Variants in SCHIP1 observed in about 807,000 individuals in gnomAD.
SCHIP1 encodes the protein schwannomin interacting protein 1, also known as schwannomin-interacting protein 1.
In SCHIP1, 8 loss-of-function variants were observed where a neutral mutation model predicts 29.7. That is an observed-to-expected ratio of 0.27 (90% CI 0.16 to 0.49). SCHIP1 has a LOEUF of 0.49. Among genes scored for constraint, SCHIP1 ranks in the 20% least tolerant of loss-of-function variants. The pLI is 0.99. For synonymous variants in SCHIP1, 76 were observed against 94.9 expected (o/e 0.80, Z 1.16); for missense variants, 193 against 294.6 (o/e 0.66, Z 2.52).
At chr3:159,701,194 T>C in the SCHIP1 span, among the ~76,000 whole-genome samples, 3 of 152,180 alleles carry the variant, frequency 2.0e-5, no homozygotes, top group African/African-American at 4.8e-5. Flanking sequence ...ACCCTTTCTG[T>C]TTTAAATTGC....
the SCHIP1 span, among the ~76,000 whole-genome samples, chr3:159,384,328 A>G: frequency 1.1e-4 from 16 of 151,948 alleles, no homozygotes; most frequent in Non-Finnish European, 1.8e-4. Context: ...AGCGTTGTTG[A>G]ATTTTGTCAA....
At chr3:159,304,996 CTCT>C in the SCHIP1 span, among the ~76,000 whole-genome samples, 1 of 152,148 alleles carries the variant, frequency 6.6e-6, no homozygotes, top group Non-Finnish European at 1.5e-5. Context: ...TCATAGAGAT[CTCT>C]TCTTCCCATT....
At chr3:159,517,837 A>C in the SCHIP1 span, among the ~76,000 whole-genome samples, 1 of 152,146 alleles carries the variant, frequency 6.6e-6, no homozygotes, top group Non-Finnish European at 1.5e-5. Context: ...TAAAAGACAG[A>C]AAAAACAGCT....
the SCHIP1 span, among the ~76,000 whole-genome samples, chr3:159,384,802 G>C: frequency 6.6e-6 from 1 of 152,026 alleles, no homozygotes; most frequent in African/African-American, 2.4e-5. Context: ...TTATTGGTCT[G>C]TTCAGAGATT....
chr3:159,500,244 C>T, the SCHIP1 span, among the ~76,000 whole-genome samples: 1 of 152,138 alleles, frequency 6.6e-6, no homozygotes, highest in East Asian at 1.9e-4. Flanking sequence ...GGAGAAAACA[C>T]TGTTTTCCCC....
the SCHIP1 span, among the ~76,000 whole-genome samples, chr3:159,758,029 C>G: frequency 6.6e-6 from 1 of 152,200 alleles, no homozygotes; most frequent in Non-Finnish European, 1.5e-5. Context: ...ATGCCTATGA[C>G]TTATAATGCT....
chr3:159,344,596 C>T, the SCHIP1 span, among the ~76,000 whole-genome samples: 8 of 152,148 alleles, frequency 5.3e-5, no homozygotes, highest in African/African-American at 1.9e-4. Flanking sequence ...AGACATTTGA[C>T]AAAATACCTG....
chr3:159,552,125 G>T, the SCHIP1 span, among the ~76,000 whole-genome samples: 1 of 137,538 alleles, frequency 7.3e-6, no homozygotes, highest in Non-Finnish European at 1.5e-5. Context: ...TGCAGCCTCC[G>T]CCTCCCAAGT....
the SCHIP1 span, among the ~76,000 whole-genome samples, chr3:159,740,327 C>T: frequency 6.6e-6 from 1 of 152,304 alleles, no homozygotes; most frequent in South Asian, 2.1e-4. Flanking sequence ...GTAGGTGCCT[C>T]TGCAATCAGG....
At chr3:159,790,527 A>C in the SCHIP1 span, among the ~76,000 whole-genome samples, 8,947 of 152,254 alleles carry the variant, frequency 0.059, 349 homozygotes, top group South Asian at 0.2. Flanking sequence ...TCTACTAAAA[A>C]TACAAAAATT....
chr3:159,456,318 T>A, the SCHIP1 span, among the ~76,000 whole-genome samples: 1 of 108,612 alleles, frequency 9.2e-6, no homozygotes, highest in African/African-American at 3.3e-5. Context: ...GTTGAGGGAA[T>A]GATGGAATAG....
At chr3:159,467,487 T>C in the SCHIP1 span, among the ~76,000 whole-genome samples, 19 of 151,940 alleles carry the variant, frequency 1.3e-4, no homozygotes, top group South Asian at 2.5e-3. Flanking sequence ...CATTTTAATC[T>C]TAGAAGACTT....
the SCHIP1 span, among the ~76,000 whole-genome samples, chr3:159,508,194 G>A: frequency 3.3e-5 from 5 of 152,150 alleles, no homozygotes; most frequent in South Asian, 2.1e-4. Context: ...TTTAGTCTTG[G>A]GAGGGTGTAT....
the SCHIP1 span, among the ~76,000 whole-genome samples, chr3:159,560,636 C>T: frequency 6.6e-6 from 1 of 152,188 alleles, no homozygotes; most frequent in African/African-American, 2.4e-5. Flanking sequence ...TTATTCCCAT[C>T]ATTGGACTTG....
the SCHIP1 span, among the ~76,000 whole-genome samples, chr3:159,622,867 G>C: frequency 6.6e-6 from 1 of 152,160 alleles, no homozygotes; most frequent in African/African-American, 2.4e-5. Flanking sequence ...GCAGTGAGCA[G>C]AGATTGTGCC....
chr3:159,715,287 T>C, the SCHIP1 span, among the ~76,000 whole-genome samples: 1 of 152,122 alleles, frequency 6.6e-6, no homozygotes, highest in Admixed American at 6.6e-5. Context: ...ACCACAAAGA[T>C]GGGGAGAAAC....
the SCHIP1 span, among the ~76,000 whole-genome samples, chr3:159,511,424 G>T: frequency 1.3e-5 from 2 of 152,202 alleles, no homozygotes; most frequent in African/African-American, 2.4e-5. Flanking sequence ...CCCGGGTGAA[G>T]CAATGCCTCG....
the SCHIP1 span, among the ~76,000 whole-genome samples, chr3:159,426,061 A>G: frequency 3.9e-5 from 6 of 152,110 alleles, no homozygotes; most frequent in South Asian, 8.3e-4. Context: ...AGGGAAATTT[A>G]TAGCACTAAA....
chr3:159,818,023 C>T, the SCHIP1 span, among the ~76,000 whole-genome samples: 1 of 152,134 alleles, frequency 6.6e-6, no homozygotes, highest in Non-Finnish European at 1.5e-5. Flanking sequence ...AGACTGAAGC[C>T]TAGAGGTAGA....
Sources: gnomAD v4.1 joint callset for allele counts (sites outside exome capture counted in the v4.1 genomes callset) on GRCh38, gnomAD v4.1.1 for gene constraint, MANE v1.5 for transcripts, NCBI Gene and HGNC (gene_info 2026-07-23, HGNC 2026-07-21) for gene names.